Variants in MYO18A observed in about 807,000 individuals in gnomAD.
MYO18A encodes the protein myosin XVIIIA, also known as unconventional myosin-XVIIIa.
MYO18A carries 78 observed loss-of-function variants against 235.8 expected under a neutral mutation model. The observed-to-expected ratio is 0.33, with a 90% CI of 0.28 to 0.40. MYO18A has a LOEUF of 0.40. Ranked by LOEUF, MYO18A falls within the 10% of genes least tolerant of loss-of-function variation. MYO18A has a pLI of 1.00. For missense variants in MYO18A, 2,215 were observed against 2,699.3 expected, an observed-to-expected ratio of 0.82 and a Z score of 3.98; for synonymous variants, 977 against 1,077.8, an observed-to-expected ratio of 0.91 and a Z score of 1.83.
chr17:29,135,288 G>C (rs1483832416), intron 2 of MYO18A, among the ~76,000 whole-genome samples: 5 of 152,042 alleles, frequency 3.3e-5, no homozygotes, highest in Non-Finnish European at 5.9e-5. Flanking sequence ...TTTTTTAGTA[G>C]AGGCAGGGTT....
chr17:29,111,700 AC>A lies in MYO18A; in HGVS notation c.2740+21del, dbSNP rs2066933060. The A allele has an allele frequency of 6.2e-7, 1 of 1,613,024 alleles. No individual in the cohort carries two copies. Among genetic ancestry groups the A allele is most frequent in the East Asian group, 2.2e-5 (1 of 44,870 alleles). Reference sequence around the variant, plus strand: ...GTATGTAAGAGGAAGCAGAGGAGCTACCCTCTAGGGATGCCACCTACCTTTT... The same window carrying A: ...GTATGTAAGAGGAAGCAGAGGAGCTACCTCTAGGGATGCCACCTACCTTTT... On this transcript the variant is annotated intron_variant, in intron 16 of 41. Transcript: ENST00000527372. This position sits in a 1 kb window ranked among gnomAD's most constrained non-coding sequence, Gnocchi z 5.1.
intron 1 of MYO18A, among the ~76,000 whole-genome samples, chr17:29,179,381 C>T (rs554660512): frequency 1.3e-5 from 2 of 152,016 alleles, no homozygotes; most frequent in East Asian, 1.9e-4. Context: ...AGCCCCAATG[C>T]CTGGCCTGTC....
At chr17:29,151,815 C>T (rs375114590) in intron 2 of MYO18A, among the ~76,000 whole-genome samples, 157 of 152,320 alleles carry the variant, frequency 1.0e-3, no homozygotes, top group African/African-American at 3.4e-3. Context: ...GAATCCTGAA[C>T]TTTCAACAGC....
At chr17:29,150,213 A>G (rs2067938181) in intron 2 of MYO18A, among the ~76,000 whole-genome samples, 1 of 152,246 alleles carries the variant, frequency 6.6e-6, no homozygotes, top group South Asian at 2.1e-4. Flanking sequence ...GCCTGTTTCT[A>G]AAACCCTCTG....
At chr17:29,133,668 C>A in intron 2 of MYO18A, 1 of 587,922 alleles carries the variant, frequency 1.7e-6, no homozygotes, top group Middle Eastern at 3.2e-4. Flanking sequence ...CTGCCACCCC[C>A]AATTATACAC....
chr17:29,092,222 G>A (rs1178365592), intron 34 of MYO18A, 121 bp downstream of exon 34: 25 of 705,152 alleles, frequency 3.5e-5, no homozygotes, highest in South Asian at 3.4e-4. Flanking sequence ...AAGTCCTGGC[G>A]TGAAAGGACC....
chr17:29,093,040 C>CAGG (rs1568050886), intron 32 of MYO18A, 39 bp from the exon 33 acceptor site: 6 of 1,598,572 alleles, frequency 3.8e-6, no homozygotes, highest in Non-Finnish European at 5.1e-6. Context: ...GGGCTCTGCA[C>CAGG]AGGGCTTCCT....
intron 22 of MYO18A, 144 bp from the exon 23 acceptor site, chr17:29,099,113 C>T: frequency 9.4e-7 from 1 of 1,062,236 alleles, no homozygotes; most frequent in Non-Finnish European, 1.4e-6. Context: ...TCTCATGCTC[C>T]CCCTTGCCCC....
chr17:29,165,524 C>T (rs774950759), intron 2 of MYO18A: 8 of 169,562 alleles, frequency 4.7e-5, no homozygotes, highest in Admixed American at 1.7e-4. Flanking sequence ...AAAGGCATTC[C>T]GCTGAATTCA....
chr17:29,134,787 C>G (rs184183334), intron 2 of MYO18A, among the ~76,000 whole-genome samples: 1 of 151,814 alleles, frequency 6.6e-6, no homozygotes, highest in East Asian at 1.9e-4. Flanking sequence ...CTTCCCAAAG[C>G]GCTGGGATTA....
At chr17:29,164,698 C>G (rs542311748) in intron 2 of MYO18A, among the ~76,000 whole-genome samples, 1 of 152,212 alleles carries the variant, frequency 6.6e-6, no homozygotes, top group Admixed American at 6.5e-5. Context: ...GAGGTGGTCA[C>G]TTGTCCTTCG....
intron 1 of MYO18A, among the ~76,000 whole-genome samples, chr17:29,177,465 A>G (rs890707734): frequency 6.6e-6 from 1 of 152,144 alleles, no homozygotes; most frequent in African/African-American, 2.4e-5. Flanking sequence ...GAAGGTGGGA[A>G]GTGGAGGCTC....
chr17:29,108,802 C>A (rs1219277640), intron 19 of MYO18A, among the ~76,000 whole-genome samples: 1 of 97,504 alleles, frequency 1.0e-5, no homozygotes, highest in East Asian at 3.1e-4. Context: ...CTTAATTAAT[C>A]ATCAGTGCTA....
chr17:29,098,449 G>C lies in MYO18A; in HGVS notation c.3781-4C>G, dbSNP rs536048958. 6.2e-7 allele frequency: 1 copy of C among 1,613,684 alleles called. No homozygotes were observed. Among genetic ancestry groups the C allele is most frequent in the East Asian group, 2.2e-5 (1 of 44,884 alleles). ...TCCGCAGCTGCTGGATCTCCTCCTAGGGTGGACCAAAGAGGGCAAAGTGAG... is the reference window on the plus strand; with the variant it reads ...TCCGCAGCTGCTGGATCTCCTCCTACGGTGGACCAAAGAGGGCAAAGTGAG... On this transcript the variant is annotated splice_region_variant and splice_polypyrimidine_tract_variant and intron_variant, in intron 23 of 41. Transcript: ENST00000527372.
intron 41 of MYO18A, chr17:29,080,765 C>T: frequency 9.1e-6 from 9 of 985,542 alleles, no homozygotes; most frequent in Non-Finnish European, 1.1e-5. Context: ...CGGACGGAGC[C>T]GCACTCCTCC....
chr17:29,100,616 G>T (rs148834249), intron 21 of MYO18A, among the ~76,000 whole-genome samples: 2 of 152,232 alleles, frequency 1.3e-5, no homozygotes, highest in Non-Finnish European at 2.9e-5. Flanking sequence ...TGTGTGAAAC[G>T]GGAAGGGTCG....
intron 2 of MYO18A, among the ~76,000 whole-genome samples, chr17:29,142,618 T>C (rs2067766028): frequency 1.3e-5 from 2 of 152,150 alleles, no homozygotes; most frequent in African/African-American, 2.4e-5. Context: ...GGGTGCAGCA[T>C]CTGTGTTTTA....
At chr17:29,174,138 CATAAT>C (rs1484201049) in intron 1 of MYO18A, among the ~76,000 whole-genome samples, 4 of 152,202 alleles carry the variant, frequency 2.6e-5, no homozygotes, top group Non-Finnish European at 5.9e-5. Flanking sequence ...GGTACATTCA[CATAAT>C]ATACATGGCT....
chr17:29,086,246 C>A (rs2066250761), intron 39 of MYO18A, among the ~76,000 whole-genome samples, 192 bp downstream of exon 39: 1 of 152,172 alleles, frequency 6.6e-6, no homozygotes, highest in Non-Finnish European at 1.5e-5. Context: ...TGGCCTCCAT[C>A]AGGGTGCACC....
Sources: allele counts gnomAD v4.1 joint callset (sites outside exome capture counted in the v4.1 genomes callset), GRCh38; gene constraint gnomAD v4.1.1; non-coding constraint Gnocchi (gnomAD v3.1); transcripts MANE v1.5; gene names NCBI Gene and HGNC (gene_info 2026-07-23, HGNC 2026-07-21).